The following NRG3 variants were observed in gnomAD, a reference collection of about 807,000 sequenced individuals.
The protein encoded by NRG3 is pro-neuregulin-3, membrane-bound isoform.
A neutral mutation model predicts 66.9 loss-of-function variants in NRG3; 31 were observed. That is an observed-to-expected ratio of 0.46 (90% confidence interval 0.35 to 0.63). The LOEUF (loss-of-function observed/expected upper bound fraction) is 0.63, where lower values mean the gene tolerates loss of function less well. Among genes scored for constraint, NRG3 ranks in the 20% least tolerant of loss-of-function variants. The pLI, the probability that NRG3 is intolerant of heterozygous loss-of-function variation, is 0.00. For missense variants in NRG3, 910 were observed against 878.9 expected (o/e 1.04, Z -0.45); for synonymous variants, 393 against 359.4 (o/e 1.09, Z -1.06).
chr10:82,529,072 C>G (rs1223522707), intron 2 of NRG3, among the ~76,000 whole-genome samples: 1 of 152,196 alleles, frequency 6.6e-6, no homozygotes, highest in Admixed American at 6.5e-5. Flanking sequence ...TACCTAAGAG[C>G]AAGATTTTTA....
chr10:82,566,408 C>T lies in NRG3; in HGVS notation c.954-172169C>T, dbSNP rs2045406619. 4.6e-5 allele frequency among the ~76,000 whole-genome samples: 7 copies of T among 151,958 alleles called. No homozygotes were observed. In the South Asian group the frequency reaches 1.2e-3, roughly 27 times the overall value. ...TCATGGAATAGCACACGTGTGATAT[C>T]TTAGGTGTTGGACCACCTGAGAAGT... On this transcript the variant is annotated intron_variant, in intron 2 of 8. Coordinates refer to ENST00000372141, the MANE Select transcript of NRG3 (RefSeq NM_001010848.4).
chr10:82,215,831 G>C (rs1057286909), intron 1 of NRG3, among the ~76,000 whole-genome samples: 1 of 146,992 alleles, frequency 6.8e-6, no homozygotes, highest in Non-Finnish European at 1.5e-5. Flanking sequence ...ATTATATTCA[G>C]CCCTTTATAA....
intron 1 of NRG3, among the ~76,000 whole-genome samples, chr10:82,090,523 T>C (rs2065964625): frequency 6.6e-6 from 1 of 152,118 alleles, no homozygotes; most frequent in South Asian, 2.1e-4. Context: ...AAAAAGCAGG[T>C]GATTCCATTG....
At chr10:82,869,000 T>A (rs898084570) in intron 4 of NRG3, among the ~76,000 whole-genome samples, 2 of 152,128 alleles carry the variant, frequency 1.3e-5, no homozygotes, top group African/African-American at 4.8e-5. Flanking sequence ...CTAGATTTAA[T>A]TTATGATTAT....
chr10:82,408,932 CA>C (rs1209622931), intron 2 of NRG3, among the ~76,000 whole-genome samples: 5 of 152,064 alleles, frequency 3.3e-5, no homozygotes, highest in Non-Finnish European at 7.4e-5. Flanking sequence ...TGTGGAATTT[CA>C]TTTTAATAAG....
In NRG3 at chr10:81,998,157, C is replaced by A. The variant is rs550700951; in HGVS notation, c.823+121994C>A. Among the ~76,000 whole-genome samples the A allele has an allele frequency of 1.4e-4, 21 of 152,172 alleles. No homozygotes were observed. In the South Asian group the frequency reaches 4.2e-3, roughly 30 times the overall value. On this transcript the variant is annotated intron_variant, in intron 1 of 8. Transcript: ENST00000372141. ...AGGATATTTTCAGTGTGATAAAGGG[C>A]GTAGTTTCCATTGGCTGATTTTAAG...
intron 3 of NRG3, among the ~76,000 whole-genome samples, chr10:82,775,215 CTT>C (rs35307796): frequency 3.0e-4 from 42 of 139,946 alleles, no homozygotes; most frequent in African/African-American, 5.1e-4. Flanking sequence ...TATTTGGGAT[CTT>C]TTTTTTTTTT....
intron 2 of NRG3, among the ~76,000 whole-genome samples, chr10:82,550,954 A>G (rs2044268119): frequency 6.6e-6 from 1 of 152,146 alleles, no homozygotes; most frequent in South Asian, 2.1e-4. Context: ...AATCTGAGAC[A>G]TACTACCAGA....
rs150832439 is a variant in NRG3, at chr10:81,900,354, G to T, written c.823+24191G>T. On this transcript the variant is annotated intron_variant, in intron 1 of 8. Transcript: ENST00000372141. The stretch of plus-strand genomic sequence containing the variant: ...CTTCTTATAAGTGCCTAGCTAACTT[G>T]GCAAAATAATTTCATTTGGTATTCA... Among the ~76,000 whole-genome samples the T allele has an allele frequency of 1.9e-4, 29 of 151,650 alleles. No homozygotes were observed. The East Asian group carries it at 5.1e-3, about 27-fold the overall frequency.
intron 4 of NRG3, among the ~76,000 whole-genome samples, chr10:82,948,613 T>C (rs1849241885): frequency 1.3e-5 from 2 of 152,164 alleles, no homozygotes; most frequent in African/African-American, 4.8e-5. Flanking sequence ...AGCTTTTCAA[T>C]GTACAAGACT....
intron 2 of NRG3, among the ~76,000 whole-genome samples, chr10:82,627,798 T>C (rs908493427): frequency 6.6e-6 from 1 of 152,154 alleles, no homozygotes; most frequent in African/African-American, 2.4e-5. Flanking sequence ...TATATAAAGG[T>C]AACCTTAGCC....
intron 1 of NRG3, among the ~76,000 whole-genome samples, chr10:82,250,439 A>C (rs2077430169): frequency 6.6e-6 from 1 of 152,054 alleles, no homozygotes; most frequent in Admixed American, 6.5e-5. Context: ...ACAAAAAATT[A>C]TCTGGGCATG....
At chr10:82,494,374 CT>C (rs1311982438) in intron 2 of NRG3, among the ~76,000 whole-genome samples, 1 of 152,006 alleles carries the variant, frequency 6.6e-6, no homozygotes, top group Non-Finnish European at 1.5e-5. Context: ...ATACGATCTC[CT>C]TTTGCAAAAT....
intron 2 of NRG3, among the ~76,000 whole-genome samples, chr10:82,477,428 G>A (rs1019293476): frequency 6.6e-6 from 1 of 152,112 alleles, no homozygotes; most frequent in Admixed American, 6.5e-5. Flanking sequence ...CCCATTAACT[G>A]GATTGTATTA....
At chr10:82,957,409 C>T (rs1795912287) in intron 5 of NRG3, among the ~76,000 whole-genome samples, 2 of 151,808 alleles carry the variant, frequency 1.3e-5, no homozygotes, top group Non-Finnish European at 2.9e-5. Context: ...ACTGACGGCA[C>T]TATCTTTGTC....
Position 81,875,586 on chromosome 10 carries a change from C to T in NRG3, c.246C>T (p.Ser82=). Residue 82 remains serine, a synonymous_variant, in exon 1 of 9, where the codon AGC becomes AGT. Coordinates refer to ENST00000372141, the MANE Select transcript of NRG3 (RefSeq NM_001010848.4). This position sits in a 1 kb window ranked among gnomAD's most constrained non-coding sequence, Gnocchi z 5.3. ...LFIGFIGLGL[S]LMLLKWIVVG... The stretch of plus-strand genomic sequence containing the variant: ...TCGGCTTCATCGGCCTGGGGCTCAG[C>T]CTCATGCTTCTCAAATGGATCGTGG... 2 of 1,613,580 alleles carry T rather than the reference C, an allele frequency of 1.2e-6. No individual in the cohort carries two copies. The highest frequency in any genetic ancestry group is 2.2e-5 in the South Asian group (2 of 91,080).
At chr10:82,937,833 C>T (rs1415164486) in intron 4 of NRG3, among the ~76,000 whole-genome samples, 12 of 152,048 alleles carry the variant, frequency 7.9e-5, no homozygotes, top group African/African-American at 2.7e-4. Context: ...TACAGAGAAA[C>T]CATTAGACCA....
intron 3 of NRG3, among the ~76,000 whole-genome samples, chr10:82,791,505 TC>T (rs1440794220): frequency 3.3e-5 from 5 of 152,150 alleles, no homozygotes; most frequent in Admixed American, 1.3e-4. Flanking sequence ...GGGCAAGCCT[TC>T]AGTGCTCCAG....
At chr10:82,031,342 T>C (rs971527171) in intron 1 of NRG3, among the ~76,000 whole-genome samples, 8 of 152,268 alleles carry the variant, frequency 5.3e-5, no homozygotes, top group Admixed American at 3.9e-4. Context: ...AGAAAGCATC[T>C]GTCAGGGTTA....
Sources: gnomAD v4.1 joint callset for allele counts (sites outside exome capture counted in the v4.1 genomes callset) on GRCh38, gnomAD v4.1.1 for gene constraint, Gnocchi (gnomAD v3.1) non-coding constraint, MANE v1.5 for transcripts, NCBI Gene and HGNC (gene_info 2026-07-23, HGNC 2026-07-21) for gene names.